SMCO2: variants seen among roughly 807,000 people sequenced by gnomAD.
SMCO2 encodes the protein single-pass membrane protein with coiled-coil domains 2.
In SMCO2, 25 loss-of-function variants were observed where a neutral mutation model predicts 29.5. That is an observed-to-expected ratio of 0.85 (90% CI 0.62 to 1.18). The LOEUF (loss-of-function observed/expected upper bound fraction) is 1.18. SMCO2 is among the 50% of genes most tolerant of loss of function. The pLI is 0.00. For synonymous variants in SMCO2, 117 were observed against 123.3 expected (o/e 0.95, Z 0.34); for missense variants, 348 against 344.5 (o/e 1.01, Z -0.08).
chr12:27,459,995 G>A, the SMCO2 span, among the ~76,000 whole-genome samples: 1 of 152,180 alleles, frequency 6.6e-6, no homozygotes, highest in African/African-American at 2.4e-5. Flanking sequence ...GAAATAAGTA[G>A]CATAAACCTA....
chr12:27,480,707 C>T (rs56001436), intron 4 of SMCO2, among the ~76,000 whole-genome samples: 10 of 151,668 alleles, frequency 6.6e-5, no homozygotes, highest in East Asian at 3.9e-4. Context: ...CCTCTCCCCC[C>T]CCTCTCTCTC....
At chr12:27,449,361 C>A in the SMCO2 span, among the ~76,000 whole-genome samples, 15 of 152,294 alleles carry the variant, frequency 9.8e-5, no homozygotes, top group African/African-American at 3.6e-4. Flanking sequence ...AAATCTGTCA[C>A]CTGCTGCATA....
At chr12:27,456,920 T>G in the SMCO2 span, among the ~76,000 whole-genome samples, 1 of 152,142 alleles carries the variant, frequency 6.6e-6, no homozygotes, top group South Asian at 2.1e-4. Context: ...AGGCATTAGA[T>G]TCTCACAGTA....
chr12:27,428,057 T>C, the SMCO2 span, among the ~76,000 whole-genome samples: 1 of 152,198 alleles, frequency 6.6e-6, no homozygotes, highest in South Asian at 2.1e-4. Context: ...CCCTTGTGGG[T>C]GACACCAGTT....
At chr12:27,432,284 T>C in the SMCO2 span, among the ~76,000 whole-genome samples, 1 of 152,368 alleles carries the variant, frequency 6.6e-6, no homozygotes, top group African/African-American at 2.4e-5. Flanking sequence ...TACTTGTCTA[T>C]TTTTGCTTTT....
At chr12:27,426,038 C>T in the SMCO2 span, among the ~76,000 whole-genome samples, 1 of 152,190 alleles carries the variant, frequency 6.6e-6, no homozygotes, top group Non-Finnish European at 1.5e-5. Flanking sequence ...GATACATGCT[C>T]AACCTTGGGT....
the SMCO2 span, among the ~76,000 whole-genome samples, chr12:27,459,953 G>A: frequency 6.6e-6 from 1 of 152,204 alleles, no homozygotes; most frequent in Non-Finnish European, 1.5e-5. Context: ...TCAGGATTCT[G>A]TTATGACAGC....
the SMCO2 span, among the ~76,000 whole-genome samples, chr12:27,452,170 G>A: frequency 1.3e-5 from 2 of 152,188 alleles, no homozygotes; most frequent in African/African-American, 4.8e-5. Context: ...GAGTAAAGAA[G>A]GCTCACTTCT....
At chr12:27,494,168 G>A (rs1942967539) in intron 5 of SMCO2, 132 bp from the exon 7 acceptor site, 3 of 518,144 alleles carry the variant, frequency 5.8e-6, no homozygotes, top group South Asian at 6.5e-5. Flanking sequence ...GCTCTAAGAG[G>A]AAGAAGTTTA....
At chr12:27,484,703 A>G (rs1949672340) in intron 4 of SMCO2, among the ~76,000 whole-genome samples, 1 of 151,792 alleles carries the variant, frequency 6.6e-6, no homozygotes, top group African/African-American at 2.4e-5. Flanking sequence ...AAATACAAAA[A>G]TTAGCTGGGT....
At chr12:27,465,131 G>A (rs1949489361), upstream of SMCO2, among the ~76,000 whole-genome samples, 1 of 152,126 alleles carries the variant, frequency 6.6e-6, no homozygotes, top group African/African-American at 2.4e-5. Context: ...CGCGAAGTGT[G>A]GTCTACACAG....
At chr12:27,454,938 G>A in the SMCO2 span, among the ~76,000 whole-genome samples, 1 of 152,178 alleles carries the variant, frequency 6.6e-6, no homozygotes, top group Non-Finnish European at 1.5e-5. Flanking sequence ...GTATTCCATG[G>A]CAGAGCACCA....
At chr12:27,457,668 G>T in the SMCO2 span, among the ~76,000 whole-genome samples, 7 of 152,368 alleles carry the variant, frequency 4.6e-5, no homozygotes, top group South Asian at 1.2e-3. Context: ...GCAGCCAAAA[G>T]CATGTCAATG....
the SMCO2 span, chr12:27,424,364 T>G: frequency 6.6e-6 from 1 of 152,178 alleles, no homozygotes; most frequent in Non-Finnish European, 1.5e-5. Context: ...CTTTAAAATA[T>G]CAGATGTGTT....
At chr12:27,494,877 C>T (rs1019900660) in intron 6 of SMCO2, among the ~76,000 whole-genome samples, 1 of 152,032 alleles carries the variant, frequency 6.6e-6, no homozygotes, top group African/African-American at 2.4e-5. Context: ...AGTGTACTCC[C>T]AAGCTCTCAC....
intron 1 of SMCO2, among the ~76,000 whole-genome samples, chr12:27,468,198 A>G (rs1191712344): frequency 8.6e-6 from 1 of 115,832 alleles, no homozygotes; most frequent in Non-Finnish European, 1.8e-5. Flanking sequence ...TCCAAAGTTT[A>G]GCTCTTATTT....
At chr12:27,447,959 T>A in the SMCO2 span, among the ~76,000 whole-genome samples, 10 of 152,160 alleles carry the variant, frequency 6.6e-5, no homozygotes, top group African/African-American at 2.4e-4. Context: ...CTTAACACAT[T>A]GCACCTGACC....
intron 7 of SMCO2, chr12:27,498,590 TA>T: frequency 4.4e-6 from 1 of 225,552 alleles, no homozygotes; most frequent in South Asian, 7.1e-5. Flanking sequence ...CCAAAGGATG[TA>T]ATCCTGCTTA....
the SMCO2 span, among the ~76,000 whole-genome samples, chr12:27,434,095 TAA>T: frequency 6.6e-6 from 1 of 152,166 alleles, no homozygotes; most frequent in Non-Finnish European, 1.5e-5. Flanking sequence ...TTCTGAAAAA[TAA>T]AGAGCTGCTT....
Sources: allele counts gnomAD v4.1 joint callset (sites outside exome capture counted in the v4.1 genomes callset), GRCh38; gene constraint gnomAD v4.1.1; transcripts MANE v1.5; gene names NCBI Gene and HGNC (gene_info 2026-07-23, HGNC 2026-07-21).